Variants in WDR27 observed in about 807,000 individuals in gnomAD.
WDR27 encodes WD repeat-containing protein 27.
A neutral mutation model predicts 114.4 loss-of-function variants in WDR27; 100 were observed. The ratio of observed to expected loss-of-function variants is 0.87; its 90% CI spans 0.74 to 1.03. The LOEUF is 1.03. Among genes scored for constraint, WDR27 ranks in the 50% least tolerant of loss-of-function variants. The pLI, the probability that WDR27 is intolerant of heterozygous loss-of-function variation, is 0.00. For missense variants in WDR27, 1,129 were observed against 1,092.9 expected (o/e 1.03, Z -0.47); for synonymous variants, 449 against 423.1 (o/e 1.06, Z -0.75).
chr6:169,469,697 A>G (rs1786085937), intron 25 of WDR27, among the ~76,000 whole-genome samples: 2 of 152,052 alleles, frequency 1.3e-5, no homozygotes, highest in South Asian at 4.1e-4. Context: ...ACAGCCAAAG[A>G]GCCCTACAGT....
At chr6:169,624,144 C>T (rs1217965164) in intron 21 of WDR27, among the ~76,000 whole-genome samples, 2 of 111,174 alleles carry the variant, frequency 1.8e-5, no homozygotes, top group Admixed American at 1.1e-4. Flanking sequence ...TCAGGTGTGC[C>T]GTGTGGGGCG....
At chr6:169,502,561 A>C (rs1260496596) in intron 25 of WDR27, among the ~76,000 whole-genome samples, 3 of 152,158 alleles carry the variant, frequency 2.0e-5, no homozygotes, top group African/African-American at 7.2e-5. Flanking sequence ...CTTCAGGAGA[A>C]AATCCATTTC....
intron 6 of WDR27, among the ~76,000 whole-genome samples, chr6:169,665,999 A>T (rs1585030127): frequency 6.6e-6 from 1 of 152,242 alleles, no homozygotes; most frequent in East Asian, 1.9e-4. Context: ...TGATGAAAAC[A>T]GCAAGTAAAT....
chr6:169,687,005 G>T (rs1383760826), intron 2 of WDR27, among the ~76,000 whole-genome samples: 1 of 152,004 alleles, frequency 6.6e-6, no homozygotes, highest in East Asian at 1.9e-4. Flanking sequence ...TGGGGAGAGT[G>T]AAAAGAAGTG....
intron 25 of WDR27, among the ~76,000 whole-genome samples, chr6:169,542,144 G>T (rs752044324): frequency 1.3e-5 from 2 of 151,962 alleles, no homozygotes; most frequent in African/African-American, 4.8e-5. Context: ...CAAAAATGCC[G>T]AATTTTATCA....
intron 25 of WDR27, among the ~76,000 whole-genome samples, chr6:169,480,450 C>A (rs1366999568): frequency 2.0e-5 from 3 of 152,256 alleles, no homozygotes; most frequent in Non-Finnish European, 4.4e-5. Flanking sequence ...GACTGGTGGT[C>A]AGCTCTGCCT....
In WDR27 at chr6:169,554,567, T is replaced by A. The variant is rs116053303; in HGVS notation, c.2645+17852A>T. ...GAAGTAGGGTGCATCCTTAAAAATA[T>A]AAGCATTTCTGCATTCCAGATCCCA... On this transcript the variant is annotated intron_variant, in intron 25 of 25. Coordinates refer to ENST00000448612, the MANE Select transcript of WDR27 (RefSeq NM_182552.5). Among the ~76,000 whole-genome samples, 588 of 152,318 alleles carry A rather than the reference T, an allele frequency of 3.9e-3. 6 individuals carry two copies. Among genetic ancestry groups the A allele is most frequent in the African/African-American group, 0.014 (564 of 41,572 alleles).
intron 23 of WDR27, 99 bp downstream of exon 23, chr6:169,602,120 G>A: frequency 1.2e-6 from 1 of 802,328 alleles, no homozygotes; most frequent in Non-Finnish European, 1.9e-6. Context: ...CAGTCAAGCT[G>A]AAAGTAGGTT....
At chr6:169,606,083 T>C (rs1159231159) in intron 22 of WDR27, among the ~76,000 whole-genome samples, 1 of 151,660 alleles carries the variant, frequency 6.6e-6, no homozygotes, top group Non-Finnish European at 1.5e-5. Flanking sequence ...AAACCAGAGG[T>C]AACAAAAATA....
intron 13 of WDR27, among the ~76,000 whole-genome samples, chr6:169,653,362 G>A (rs1823127391): frequency 6.6e-6 from 1 of 152,182 alleles, no homozygotes; most frequent in Admixed American, 6.5e-5. Flanking sequence ...ACAACAATGT[G>A]AGGGTATGGA....
intron 25 of WDR27, among the ~76,000 whole-genome samples, chr6:169,556,982 T>C (rs931833062): frequency 3.9e-5 from 6 of 152,174 alleles, no homozygotes; most frequent in Admixed American, 3.3e-4. Context: ...TACAACCCCA[T>C]GCAAAACTGA....
At chr6:169,612,653 A>AAAAAAAG (rs1810856938) in intron 22 of WDR27, among the ~76,000 whole-genome samples, 1 of 150,876 alleles carries the variant, frequency 6.6e-6, no homozygotes, top group African/African-American at 2.4e-5. Flanking sequence ...AAAAAAAAAA[A>AAAAAAAG]GCAATGTCTT....
intron 25 of WDR27, among the ~76,000 whole-genome samples, chr6:169,554,195 TAGTTCATGCCC>T (rs1055077871): frequency 1.3e-5 from 2 of 152,210 alleles, no homozygotes; most frequent in Non-Finnish European, 1.5e-5. Flanking sequence ...GCCCGGGTTC[TAGTTCATGCCC>T]AGTTCATGCC....
At chr6:169,627,837 G>C (rs1815258359) in intron 21 of WDR27, among the ~76,000 whole-genome samples, 1 of 152,214 alleles carries the variant, frequency 6.6e-6, no homozygotes, top group African/African-American at 2.4e-5. Context: ...CCCATGCAGA[G>C]GGAGGAGGGA....
chr6:169,457,608 T>G lies in WDR27; in HGVS notation c.2672A>C (p.Asn891Thr), dbSNP rs1025244090. 6.4e-7 allele frequency: 1 copy of G among 1,552,286 alleles called. No individual in the cohort carries two copies. Among genetic ancestry groups the G allele is most frequent in the Non-Finnish European group, 8.7e-7 (1 of 1,147,182 alleles). Residue 891 changes from asparagine to threonine, a missense_variant, in exon 26 of 26, where the codon AAC (asparagine) becomes ACC (threonine). Physicochemically the swap from Asn to Thr is moderately conservative, Grantham distance 65. Coordinates refer to ENST00000448612, the MANE Select transcript of WDR27 (RefSeq NM_182552.5). ...GTTACTCAGCTAGAAAGAGCTGGAG[T>G]TTACCATCCAAGGTAGCTGTGGCAA... is the stretch of plus-strand genomic sequence containing the variant. ...YSLPQLPWMV[N>T]SSSF
downstream of WDR27, among the ~76,000 whole-genome samples, chr6:169,454,588 A>C (rs1327835099): frequency 1.3e-5 from 2 of 152,204 alleles, no homozygotes; most frequent in South Asian, 2.1e-4. Flanking sequence ...ACAGAATGTC[A>C]AAAACGAACA....
intron 25 of WDR27, among the ~76,000 whole-genome samples, chr6:169,539,766 C>T (rs1314354519): frequency 1.3e-5 from 2 of 152,170 alleles, no homozygotes; most frequent in Non-Finnish European, 2.9e-5. Context: ...CTGGCTCCCT[C>T]CTGTGAAAGA....
intron 23 of WDR27, among the ~76,000 whole-genome samples, chr6:169,601,782 G>A (rs978071358): frequency 9.2e-5 from 14 of 152,236 alleles, no homozygotes; most frequent in Admixed American, 2.0e-4. Context: ...ACCATGAGGC[G>A]CATGCGCATA....
In WDR27 at chr6:169,643,692, T is replaced by G. The variant is rs747803835; in HGVS notation, c.1747+5A>C. 5 of 1,612,620 alleles carry G rather than the reference T, an allele frequency of 3.1e-6. No individual in the cohort carries two copies. The highest frequency in any genetic ancestry group is 8.5e-7 in the Non-Finnish European group (1 of 1,179,160). On this transcript the variant is annotated splice_donor_5th_base_variant and intron_variant, in intron 17 of 25. Transcript: ENST00000448612. Reference sequence around the variant, plus strand: ...CATACTGACTGAAATTAAGACATGTTTTACCTGAAAACACAGCAGGTGTCC... The same window carrying G: ...CATACTGACTGAAATTAAGACATGTGTTACCTGAAAACACAGCAGGTGTCC...
Sources: gnomAD v4.1 joint callset for allele counts (sites outside exome capture counted in the v4.1 genomes callset) on GRCh38, gnomAD v4.1.1 for gene constraint, MANE v1.5 for transcripts, NCBI Gene and HGNC (gene_info 2026-07-23, HGNC 2026-07-21) for gene names.